Variants in MVP observed in about 807,000 individuals in gnomAD.
The protein encoded by MVP is major vault protein, also known as lung resistance-related protein.
A neutral mutation model predicts 83.5 loss-of-function variants in MVP; 62 were observed. The observed-to-expected ratio is 0.74, with a 90% CI of 0.61 to 0.92. The LOEUF is 0.92. Ranked by LOEUF, MVP falls within the 40% of genes least tolerant of loss-of-function variation. The pLI, the probability that MVP is intolerant of heterozygous loss-of-function variation, is 0.00. For missense variants in MVP, 1,000 were observed against 1,203.4 expected (o/e 0.83, Z 2.50); for synonymous variants, 505 against 504.1 (o/e 1.00, Z -0.02).
rs1440879624 is a variant in MVP at position 29,842,107 on chromosome 16, C to T, written c.1629C>T (p.Tyr543=). The part of the protein sequence containing the change: ...DHARLQLQLA[Y]NWHFEVNDRK... ...CCAGGCTGCAACTGCAGCTGGCCTACAACTGGTAAAAATGGGGACAGGGCA... is the reference window on the plus strand; with the variant it reads ...CCAGGCTGCAACTGCAGCTGGCCTATAACTGGTAAAAATGGGGACAGGGCA... Residue 543 remains tyrosine, a synonymous_variant, in exon 10 of 15, where the codon TAC becomes TAT. Transcript: ENST00000357402. The T allele has an allele frequency of 9.4e-6, 15 of 1,599,650 alleles. No homozygotes were observed. The highest frequency in any genetic ancestry group is 1.3e-5 in the African/African-American group (1 of 74,834).
At chr16:29,845,124 G>A (rs2067572894) in intron 11 of MVP, among the ~76,000 whole-genome samples, 1 of 151,340 alleles carries the variant, frequency 6.6e-6, no homozygotes. Flanking sequence ...GGAGTTTGAG[G>A]CTGCAGTGAG....
intron 1 of MVP, among the ~76,000 whole-genome samples, chr16:29,827,968 A>AT (rs1300526024): frequency 3.9e-5 from 6 of 152,092 alleles, no homozygotes; most frequent in East Asian, 3.9e-4. Flanking sequence ...ATTTTATTTT[A>AT]TTTTTTTCCA....
intron 1 of MVP, among the ~76,000 whole-genome samples, chr16:29,824,900 C>CTT (rs753917886): frequency 0.021 from 2,994 of 144,922 alleles, 89 homozygotes; most frequent in African/African-American, 0.072. Flanking sequence ...CGGTCTCCCT[C>CTT]TTTTTTTTTT....
intron 14 of MVP, 137 bp downstream of exon 14, chr16:29,847,522 T>G: frequency 2.2e-6 from 2 of 920,274 alleles, no homozygotes; most frequent in Non-Finnish European, 3.2e-6. Flanking sequence ...TGCAGGGACA[T>G]TCACACAGTG....
chr16:29,835,793 G>T lies in MVP; in HGVS notation c.667G>T (p.Glu223Ter). 3.1e-6 allele frequency: 5 copies of T among 1,613,548 alleles called. No homozygotes were observed. Among genetic ancestry groups the T allele is most frequent in the Non-Finnish European group, 4.2e-6 (5 of 1,179,848 alleles). Residue 223 changes from glutamate to a stop codon, truncating the protein, a stop_gained, in exon 6 of 15, where the codon GAA (glutamate) becomes TAA (stop). Coordinates refer to ENST00000357402, the MANE Select transcript of MVP (RefSeq NM_005115.5). LOFTEE classifies it high-confidence loss of function. Reference protein sequence around the residue: ...LDLVDAVILTEKTALHLRARR... With the variant: ...LDLVDAVILT ...TTTGGTGGACGCCGTCATCCTTACG[G>T]AAAAGGTTGGTGCTCTGGGGGCTGT...
chr16:29,847,265 G>C lies in MVP; in HGVS notation c.2334G>C (p.Glu778Asp). 1.2e-6 allele frequency: 2 copies of C among 1,613,822 alleles called. No individual in the cohort carries two copies. The highest frequency in any genetic ancestry group is 1.7e-6 in the Non-Finnish European group (2 of 1,180,006). Residue 778 changes from glutamate to aspartate, a missense_variant, in exon 14 of 15, where the codon GAG becomes GAC. Coordinates refer to ENST00000357402, the MANE Select transcript of MVP (RefSeq NM_005115.5). The part of the protein sequence containing the change: ...LELVYARAQL[E>D]LEVSKAQQLA... ...TGGTCTATGCCCGGGCCCAGCTGGA[G>C]CTGGAGGTGAGCAAGGCTCAGCAGC...
At chr16:29,846,374 G>C (rs991992443) in intron 13 of MVP, 90 bp downstream of exon 13, 13 of 1,442,714 alleles carry the variant, frequency 9.0e-6, no homozygotes, top group South Asian at 2.9e-5. Flanking sequence ...TAGGACACCA[G>C]GTCCCCCAAC....
intron 7 of MVP, 132 bp from the exon 8 acceptor site, chr16:29,840,046 G>A (rs1367230721): frequency 3.5e-6 from 3 of 867,444 alleles, no homozygotes; most frequent in African/African-American, 3.4e-5. Context: ...GTATTATGAT[G>A]TGGGGGTGGG....
chr16:29,827,384 C>T (rs1017268032), intron 1 of MVP, among the ~76,000 whole-genome samples: 4 of 152,156 alleles, frequency 2.6e-5, no homozygotes, highest in Non-Finnish European at 4.4e-5. Flanking sequence ...TGTGAAAACA[C>T]GAAAGCAGCC....
At chr16:29,829,420 A>C (rs1352056850) in intron 1 of MVP, among the ~76,000 whole-genome samples, 1 of 137,450 alleles carries the variant, frequency 7.3e-6, no homozygotes, top group Non-Finnish European at 1.5e-5. Flanking sequence ...GCACCACTGC[A>C]CTCCAGCCTG....
chr16:29,843,915 A>G (rs745378554), intron 10 of MVP, among the ~76,000 whole-genome samples: 39 of 151,852 alleles, frequency 2.6e-4, no homozygotes, highest in Non-Finnish European at 5.6e-4. Flanking sequence ...AATATTCAAT[A>G]CTCCCAAGCA....
At chr16:29,843,038 C>T (rs2067547645) in intron 10 of MVP, among the ~76,000 whole-genome samples, 1 of 152,214 alleles carries the variant, frequency 6.6e-6, no homozygotes, top group Admixed American at 6.5e-5. Flanking sequence ...GGGGAAGGGA[C>T]AGGGTGCTTT....
At chr16:29,830,291 C>G in intron 1 of MVP, 1 of 368,002 alleles carries the variant, frequency 2.7e-6, no homozygotes. Context: ...CTGTGGCTCA[C>G]TGCATCAAGC....
rs192310601 is a variant in MVP at position 29,844,512 on chromosome 16, C to T, written c.1654C>T (p.Arg552Trp). 1.9e-5 allele frequency: 29 copies of T among 1,544,172 alleles called. No homozygotes were observed. Among genetic ancestry groups the T allele is most frequent in the African/African-American group, 9.7e-5 (7 of 72,518 alleles). ...AYNWHFEVND[R>W]KDPQETAKLF... ...TCACAGGCACTTTGAGGTGAATGAC[C>T]GGAAGGACCCCCAAGAGACGGCCAA... Residue 552 changes from arginine (R) to tryptophan (W), a missense_variant, in exon 11 of 15, where the codon CGG (arginine) becomes TGG (tryptophan). Transcript: ENST00000357402.
At position 29,836,769 on chromosome 16, in the gene MVP, A is replaced by G; in HGVS notation, c.720A>G (p.Gly240=). Residue 240 remains glycine, a synonymous_variant, in exon 7 of 15, where the codon GGA becomes GGG. Transcript: ENST00000357402. ...RARRNFRDFR[G]VSRRTGEEWL... is the part of the protein sequence containing the mutation. ...GGCGGAACTTCCGGGACTTCAGGGG[A>G]GTGTCCCGCCGCACTGGGGAGGAGT... 6.2e-7 allele frequency: 1 copy of G among 1,611,236 alleles called. No individual in the cohort carries two copies. Among genetic ancestry groups the G allele is most frequent in the Non-Finnish European group, 8.5e-7 (1 of 1,178,166 alleles).
intron 3 of MVP, 72 bp from the exon 4 acceptor site, chr16:29,833,661 C>T: frequency 6.3e-7 from 1 of 1,598,712 alleles, no homozygotes; most frequent in Non-Finnish European, 8.5e-7. Flanking sequence ...GTGGACCCGC[C>T]TCCAGAGCAT....
chr16:29,837,516 G>A (rs2067497517), intron 7 of MVP, among the ~76,000 whole-genome samples: 1 of 152,218 alleles, frequency 6.6e-6, no homozygotes, highest in Non-Finnish European at 1.5e-5. Flanking sequence ...CACTTTGGGA[G>A]GCCGAGGCAG....
At chr16:29,825,199 G>A (rs1244143768) in intron 1 of MVP, among the ~76,000 whole-genome samples, 1 of 152,176 alleles carries the variant, frequency 6.6e-6, no homozygotes, top group Non-Finnish European at 1.5e-5. Flanking sequence ...ACCTGAGGGA[G>A]GTGTGATCAG....
chr16:29,829,290 G>C (rs1395325347), intron 1 of MVP, among the ~76,000 whole-genome samples: 2 of 150,524 alleles, frequency 1.3e-5, no homozygotes, highest in Non-Finnish European at 3.0e-5. Context: ...TTCGAGACCA[G>C]CCTAGGCAAC....
Sources: gnomAD v4.1 joint callset for allele counts (sites outside exome capture counted in the v4.1 genomes callset) on GRCh38, gnomAD v4.1.1 for gene constraint, MANE v1.5 for transcripts, NCBI Gene and HGNC (gene_info 2026-07-23, HGNC 2026-07-21) for gene names.